Variants in CDH13 observed in about 807,000 individuals in gnomAD.
CDH13 encodes the protein cadherin 13.
Under a neutral mutation model 63.8 loss-of-function variants are expected in CDH13, and 24 were observed. The ratio of observed to expected loss-of-function variants is 0.38; its 90% confidence interval spans 0.27 to 0.53. CDH13 has a LOEUF of 0.53. Ranked by LOEUF, CDH13 falls within the 20% of genes least tolerant of loss-of-function variation. The pLI is 0.85. For missense variants in CDH13, 1,049 were observed against 903.1 expected, an observed-to-expected ratio of 1.16 and a Z score of -2.07; for synonymous variants, 503 against 355.3, an observed-to-expected ratio of 1.42 and a Z score of -4.67.
At position 82,831,007 on chromosome 16, in the gene CDH13, C is replaced by T. The variant is rs376483575; in HGVS notation, c.46-27355C>T. ...CAGAGCTGAAACTGAGCTGAAGCTA[C>T]GGCCCCCTTCTCTGCTTGCTCTCCT... On this transcript the variant is annotated intron_variant, in intron 1 of 13. Coordinates refer to ENST00000567109, the MANE Select transcript of CDH13 (RefSeq NM_001257.5). Among the ~76,000 whole-genome samples, 134 of 152,250 alleles carry T rather than the reference C, an allele frequency of 8.8e-4. 1 individual carries two copies. Among genetic ancestry groups the T allele is most frequent in the South Asian group, 1.7e-3 (8 of 4,818 alleles).
chr16:83,687,859 T>C (rs1464203223), intron 10 of CDH13, among the ~76,000 whole-genome samples: 6 of 152,220 alleles, frequency 3.9e-5, no homozygotes, highest in Non-Finnish European at 8.8e-5. Context: ...GCCTATTCTT[T>C]GAACACAGAA....
chr16:82,760,278 G>C (rs762243427), intron 1 of CDH13, among the ~76,000 whole-genome samples: 1 of 152,144 alleles, frequency 6.6e-6, no homozygotes, highest in Non-Finnish European at 1.5e-5. Context: ...AATGCAATTA[G>C]CCTGTTATCA....
intron 6 of CDH13, among the ~76,000 whole-genome samples, chr16:83,392,717 A>G (rs2091811944): frequency 6.6e-6 from 1 of 152,252 alleles, no homozygotes; most frequent in South Asian, 2.1e-4. Flanking sequence ...TCAGCTTCAA[A>G]GACAGAACCA....
intron 8 of CDH13, among the ~76,000 whole-genome samples, chr16:83,660,282 A>G (rs1913318802): frequency 6.6e-6 from 1 of 152,178 alleles, no homozygotes; most frequent in South Asian, 2.1e-4. Flanking sequence ...GGGATCCCTG[A>G]GCTTGTTTTC....
intron 2 of CDH13, among the ~76,000 whole-genome samples, chr16:82,960,442 G>A (rs902183039): frequency 1.3e-5 from 2 of 152,118 alleles, no homozygotes; most frequent in Non-Finnish European, 2.9e-5. Flanking sequence ...AATCTTGAGT[G>A]GGTGGTTAGA....
chr16:82,886,378 A>G (rs574624691), intron 2 of CDH13, among the ~76,000 whole-genome samples: 3 of 152,138 alleles, frequency 2.0e-5, no homozygotes, highest in Non-Finnish European at 4.4e-5. Flanking sequence ...GGTTTTCTGC[A>G]CTATTGCCAG....
chr16:82,870,495 TC>T (rs2151187558), intron 2 of CDH13, among the ~76,000 whole-genome samples: 1 of 152,172 alleles, frequency 6.6e-6, no homozygotes, highest in Non-Finnish European at 1.5e-5. Context: ...GCTGGAAGGG[TC>T]CTGGGGAGGG....
At chr16:82,912,719 G>A (rs1363989005) in intron 2 of CDH13, among the ~76,000 whole-genome samples, 9 of 152,134 alleles carry the variant, frequency 5.9e-5, no homozygotes, top group Admixed American at 2.0e-4. Context: ...CGAGGTGGGC[G>A]GATCACGAGG....
chr16:83,495,726 G>A (rs1485927572), intron 7 of CDH13, among the ~76,000 whole-genome samples: 1 of 152,168 alleles, frequency 6.6e-6, no homozygotes, highest in Non-Finnish European at 1.5e-5. Flanking sequence ...ACATTATGTA[G>A]GGTTAAATGA....
chr16:82,913,817 G>C (rs1015532167), intron 2 of CDH13, among the ~76,000 whole-genome samples: 1 of 151,970 alleles, frequency 6.6e-6, no homozygotes, highest in African/African-American at 2.4e-5. Flanking sequence ...ACAGGGAGGG[G>C]AAGCCACCTA....
intron 1 of CDH13, among the ~76,000 whole-genome samples, chr16:82,680,104 T>C (rs1262576972): frequency 6.6e-6 from 1 of 152,164 alleles, no homozygotes. Context: ...GGTGCCAGTC[T>C]TCCAGCGTAG....
intron 2 of CDH13, among the ~76,000 whole-genome samples, chr16:83,017,837 A>G (rs1914953074): frequency 6.6e-6 from 1 of 152,210 alleles, no homozygotes; most frequent in Non-Finnish European, 1.5e-5. Flanking sequence ...AGAGTGCAGA[A>G]CTAACATAAA....
At chr16:83,644,722 T>C (rs1350118000) in intron 8 of CDH13, among the ~76,000 whole-genome samples, 1 of 152,232 alleles carries the variant, frequency 6.6e-6, no homozygotes, top group African/African-American at 2.4e-5. Context: ...GGTGGAATTC[T>C]AGGCCTGTGA....
At chr16:83,035,197 G>T (rs1916739105) in intron 3 of CDH13, among the ~76,000 whole-genome samples, 1 of 152,180 alleles carries the variant, frequency 6.6e-6, no homozygotes, top group Admixed American at 6.5e-5. Context: ...ATGTTTGCAG[G>T]TCCTACTGTG....
At chr16:82,764,189 T>C (rs1382644244) in intron 1 of CDH13, among the ~76,000 whole-genome samples, 1 of 152,236 alleles carries the variant, frequency 6.6e-6, no homozygotes, top group Non-Finnish European at 1.5e-5. Context: ...GAATACATAT[T>C]CCTCATTTAC....
At chr16:83,794,636 T>C (rs1026268532) in intron 13 of CDH13, among the ~76,000 whole-genome samples, 7 of 151,944 alleles carry the variant, frequency 4.6e-5, no homozygotes, top group African/African-American at 1.2e-4. Context: ...CATATATATA[T>C]ATATATAGTC....
intron 1 of CDH13, among the ~76,000 whole-genome samples, chr16:82,746,582 T>A (rs944506051): frequency 6.6e-6 from 1 of 152,144 alleles, no homozygotes; most frequent in Non-Finnish European, 1.5e-5. Flanking sequence ...TGTACTAATT[T>A]ATGAATAAAG....
chr16:83,501,007 A>G (rs6563919), intron 7 of CDH13, among the ~76,000 whole-genome samples: 152,210 of 152,312 alleles, frequency 1, 76,054 homozygotes, highest in Non-Finnish European at 1. Context: ...TCAAAGGTGT[A>G]TTAAGGTAAG....
In CDH13 at chr16:83,102,911, C is replaced by CT. The variant is rs140557578; in HGVS notation, c.367-22462dup. On this transcript the variant is annotated intron_variant, in intron 3 of 13. Transcript: ENST00000567109. ...AAAATTCCTTTGCTAATTAAACTTT[C>CT]TTTTTTTTTTTTCTTTTTCTTTTTT... is the stretch of plus-strand genomic sequence containing the variant. Among the ~76,000 whole-genome samples, 273 of 96,530 alleles carry CT rather than the reference C, an allele frequency of 2.8e-3. 4 individuals are homozygous for CT. Among genetic ancestry groups the CT allele is most frequent in the African/African-American group, 0.011 (236 of 20,604 alleles). 63.3% of individuals were successfully genotyped at this position (96,530 alleles called of 152,430 possible). A position where few individuals can be genotyped will look rare whatever the true frequency, so the allele number is the denominator to read the frequency against.
Sources: gnomAD v4.1 joint callset for allele counts (sites outside exome capture counted in the v4.1 genomes callset) on GRCh38, gnomAD v4.1.1 for gene constraint, MANE v1.5 for transcripts, NCBI Gene and HGNC (gene_info 2026-07-23, HGNC 2026-07-21) for gene names.